The following KAT6A variants were observed in gnomAD, a reference collection of about 807,000 sequenced individuals.
KAT6A encodes the protein histone acetyltransferase KAT6A.
KAT6A carries 9 observed loss-of-function variants against 198.4 expected under a neutral mutation model. That is an observed-to-expected ratio of 0.05 (90% CI 0.03 to 0.08). The LOEUF is 0.08. Among genes scored for constraint, KAT6A ranks in the 10% least tolerant of loss-of-function variants. The pLI, the probability that KAT6A is intolerant of heterozygous loss-of-function variation, is 1.00. For synonymous variants in KAT6A, 890 were observed against 883.0 expected, an observed-to-expected ratio of 1.01 and a Z score of -0.14; for missense variants, 2,077 against 2,509.9, an observed-to-expected ratio of 0.83 and a Z score of 3.69.
intron 2 of KAT6A, among the ~76,000 whole-genome samples, chr8:42,031,210 A>G (rs1380319891): frequency 2.0e-5 from 3 of 152,192 alleles, no homozygotes; most frequent in Non-Finnish European, 4.4e-5. Context: ...TCGTTTTTGT[A>G]CTTTTTGAAT....
intron 2 of KAT6A, among the ~76,000 whole-genome samples, chr8:42,021,175 T>C (rs182972740): frequency 2.0e-5 from 3 of 152,328 alleles, no homozygotes; most frequent in Admixed American, 2.0e-4. Context: ...CTAATTTAAA[T>C]AGATTATAAA....
rs144590330 is a variant in KAT6A at position 41,973,510 on chromosome 8, G to T, written c.1482+1194C>A. On this transcript the variant is annotated intron_variant, in intron 8 of 16. Transcript: ENST00000265713. ...GCTGGGATTACAGGGGTGAGCCACC[G>T]TGCCCAGCCTAGAAATTCTTCTTTT... Among the ~76,000 whole-genome samples, 313 of 152,176 alleles carry T rather than the reference G, an allele frequency of 2.1e-3. 1 individual carries two copies. The highest frequency in any genetic ancestry group is 0.01 in the Middle Eastern group (3 of 294).
chr8:41,978,460 T>C (rs920244407), intron 6 of KAT6A, among the ~76,000 whole-genome samples, 182 bp downstream of exon 6: 35 of 152,204 alleles, frequency 2.3e-4, no homozygotes, highest in African/African-American at 8.0e-4. Context: ...ATTCAATGCA[T>C]ATAAAGCACT....
intron 12 of KAT6A, 117 bp from the exon 13 acceptor site, chr8:41,944,096 TC>T: frequency 3.2e-6 from 2 of 627,930 alleles, no homozygotes; most frequent in Non-Finnish European, 2.6e-6. Flanking sequence ...GTAAATTCCT[TC>T]CAAAAAAAAA....
chr8:42,016,545 A>AAAACAGGTTGAGAGAT (rs1826278846), intron 2 of KAT6A, among the ~76,000 whole-genome samples: 1 of 152,232 alleles, frequency 6.6e-6, no homozygotes, highest in African/African-American at 2.4e-5. Context: ...ACATAAACAT[A>AAAACAGGTTGAGAGAT]AAACAGGTTG....
chr8:42,039,191 G>A (rs978840461), intron 2 of KAT6A, among the ~76,000 whole-genome samples: 1 of 152,180 alleles, frequency 6.6e-6, no homozygotes, highest in Non-Finnish European at 1.5e-5. Flanking sequence ...ATTCGCTGCA[G>A]ATCCTTTGTG....
chr8:42,000,441 C>T (rs1193529833), intron 2 of KAT6A, among the ~76,000 whole-genome samples: 1 of 151,852 alleles, frequency 6.6e-6, no homozygotes, highest in Non-Finnish European at 1.5e-5. Flanking sequence ...ATCCCAGCTA[C>T]TCTAGAGGCT....
Position 42,048,769 on chromosome 8 carries a change from G to C in KAT6A, c.209C>G (p.Ser70Cys). The C allele has an allele frequency of 6.2e-7, 1 of 1,614,086 alleles. No homozygotes were observed. The change falls in exon 2 of 17, where the codon TCC (serine) becomes TGC (cysteine). Residue 70 changes from serine (S) to cysteine (C), a missense_variant. Coordinates refer to ENST00000265713, the MANE Select transcript of KAT6A (RefSeq NM_006766.5). ...ILKVSNKGLN[S>C]YKDPDNPGRI... The stretch of plus-strand genomic sequence containing the variant: ...CCCAGGATTATCAGGATCTTTATAG[G>C]AATTGAGTCCTTTATTTGAGACTTT...
In KAT6A at chr8:41,937,401, TTCA is replaced by T; in HGVS notation, c.3204_3206del (p.Asp1068del). On this transcript the variant is annotated inframe_deletion, in exon 16 of 17. Transcript: ENST00000265713. ...CATTTTCATCCTCTTCCTCCTCTTC[TTCA>T]TCGATCTCAAACGTGGGTTCTAATC... The T allele has an allele frequency of 1.7e-5, 27 of 1,614,152 alleles. No homozygotes were observed. Among genetic ancestry groups the T allele is most frequent in the Non-Finnish European group, 2.3e-5 (27 of 1,180,016 alleles).
chr8:42,029,913 A>G (rs1564076328), intron 2 of KAT6A, among the ~76,000 whole-genome samples: 1 of 151,806 alleles, frequency 6.6e-6, no homozygotes, highest in African/African-American at 2.4e-5. Flanking sequence ...AGCTTCTTTA[A>G]TATTATTTTG....
At chr8:42,016,300 G>A (rs1826269595) in intron 2 of KAT6A, among the ~76,000 whole-genome samples, 1 of 152,196 alleles carries the variant, frequency 6.6e-6, no homozygotes, top group African/African-American at 2.4e-5. Context: ...AGCAATTTGA[G>A]AAACACAACT....
At chr8:42,046,661 T>TAGA in intron 2 of KAT6A, among the ~76,000 whole-genome samples, 1 of 152,242 alleles carries the variant, frequency 6.6e-6, no homozygotes, top group Non-Finnish European at 1.5e-5. Context: ...TTAGATCATT[T>TAGA]AATAATTGTA....
Position 42,048,533 on chromosome 8 carries a change from A to G in KAT6A, c.445T>C (p.Leu149=), listed in dbSNP as rs774785881. ...AASGFHQQLR[L]AIKRAIGHGR... ...TGGCCAATGGCACGTTTGATAGCCA[A>G]TCGTAACTGCTGGTGAAAGCCAGAG... Residue 149 remains leucine, a synonymous_variant, in exon 2 of 17, where the codon TTG becomes CTG. Coordinates refer to ENST00000265713, the MANE Select transcript of KAT6A (RefSeq NM_006766.5). 1.9e-5 allele frequency: 31 copies of G among 1,614,056 alleles called. No homozygotes were observed. The highest frequency in any genetic ancestry group is 1.4e-4 in the South Asian group (13 of 91,092).
At chr8:41,951,788 T>A (rs1389989478) in intron 9 of KAT6A, among the ~76,000 whole-genome samples, 3 of 152,356 alleles carry the variant, frequency 2.0e-5, no homozygotes, top group African/African-American at 7.2e-5. Flanking sequence ...AGTAGCAGTT[T>A]GTGCAGTCAA....
intron 9 of KAT6A, among the ~76,000 whole-genome samples, chr8:41,952,681 T>G (rs1282010069): frequency 6.6e-6 from 1 of 152,160 alleles, no homozygotes; most frequent in Non-Finnish European, 1.5e-5. Flanking sequence ...AAACCTTTAA[T>G]AAGAAAATAA....
At chr8:42,015,916 G>C (rs754378571) in intron 2 of KAT6A, among the ~76,000 whole-genome samples, 9 of 152,148 alleles carry the variant, frequency 5.9e-5, no homozygotes, top group Non-Finnish European at 1.3e-4. Flanking sequence ...TTTTCCAATT[G>C]AAACAGACTA....
At chr8:42,025,704 T>C (rs921578398) in intron 2 of KAT6A, among the ~76,000 whole-genome samples, 1 of 152,208 alleles carries the variant, frequency 6.6e-6, no homozygotes, top group African/African-American at 2.4e-5. Context: ...AATCTACAGG[T>C]TGTCTCTTCA....
chr8:41,938,954 G>GAAAAAAAAAAAAAAAAAA (rs894664976), intron 15 of KAT6A, among the ~76,000 whole-genome samples: 1 of 75,768 alleles, frequency 1.3e-5, no homozygotes, highest in Non-Finnish European at 2.6e-5. Context: ...TCTGGGGAAG[G>GAAAAAAAAAAAAAAAAAA]AAAAAAAAAA....
intron 2 of KAT6A, among the ~76,000 whole-genome samples, chr8:42,020,161 C>G (rs1056294692): frequency 6.6e-6 from 1 of 152,162 alleles, no homozygotes; most frequent in Non-Finnish European, 1.5e-5. Context: ...ATCCAGTCTA[C>G]CACCTGGTTT....
Sources: gnomAD v4.1 joint callset for allele counts (sites outside exome capture counted in the v4.1 genomes callset) on GRCh38, gnomAD v4.1.1 for gene constraint, MANE v1.5 for transcripts, NCBI Gene and HGNC (gene_info 2026-07-23, HGNC 2026-07-21) for gene names.